PRUNE2: variants seen among roughly 807,000 people sequenced by gnomAD.
The protein encoded by PRUNE2 is prune homolog 2 with BCH domain.
A neutral mutation model predicts 252.0 loss-of-function variants in PRUNE2; 164 were observed. The observed-to-expected ratio is 0.65, with a 90% confidence interval of 0.57 to 0.74. The LOEUF (loss-of-function observed/expected upper bound fraction) is 0.74, where lower values mean the gene tolerates loss of function less well. PRUNE2 is among the 30% of genes least tolerant of loss of function. PRUNE2 has a pLI of 0.00. For missense variants in PRUNE2, 3,495 were observed against 3,711.0 expected (o/e 0.94, Z 1.51); for synonymous variants, 1,292 against 1,350.2 (o/e 0.96, Z 0.94).
In PRUNE2 at chr9:76,752,136, C is replaced by T. The variant is rs369060749; in HGVS notation, c.757-38415G>A. On this transcript the variant is annotated intron_variant, in intron 6 of 18. Transcript: ENST00000376718. ...TTTTTGAGACGGAGTCTCACTCTGT[C>T]GCCCAGGCTGGAGTGCAATGGTGCA... 7.5e-5 allele frequency among the ~76,000 whole-genome samples: 11 copies of T among 147,298 alleles called. No individual in the cohort carries two copies. In the East Asian group the frequency reaches 1.8e-3, roughly 24 times the overall value.
At position 76,838,028 on chromosome 9, in the gene PRUNE2, C is replaced by T. The variant is rs949379119; in HGVS notation, c.508+8487G>A. Among the ~76,000 whole-genome samples, 3 of 152,060 alleles carry T rather than the reference C, an allele frequency of 2.0e-5. No homozygotes were observed. In the South Asian group the frequency reaches 6.2e-4, roughly 32 times the overall value. ...CCTCGTGATCTGCCCGCCTCAGCCT[C>T]CCAAAATGCTGGGATTACAGGTGTG... On this transcript the variant is annotated intron_variant, in intron 4 of 18. Coordinates refer to ENST00000376718, the MANE Select transcript of PRUNE2 (RefSeq NM_015225.3).
intron 11 of PRUNE2, among the ~76,000 whole-genome samples, chr9:76,647,545 C>G (rs958850544): frequency 6.6e-6 from 1 of 152,112 alleles, no homozygotes; most frequent in African/African-American, 2.4e-5. Flanking sequence ...GAAATTAAAA[C>G]TACTATATAA....
intron 9 of PRUNE2, among the ~76,000 whole-genome samples, chr9:76,660,442 A>G (rs974959226): frequency 2.6e-5 from 4 of 152,196 alleles, no homozygotes; most frequent in Non-Finnish European, 5.9e-5. Context: ...AATTAAGATG[A>G]AAATTCATCT....
At chr9:76,666,473 T>C (rs376113890) in intron 9 of PRUNE2, among the ~76,000 whole-genome samples, 53 of 152,298 alleles carry the variant, frequency 3.5e-4, no homozygotes, top group Admixed American at 1.1e-3. Flanking sequence ...GTAGCAAAAT[T>C]AGTGAAAGTA....
intron 6 of PRUNE2, among the ~76,000 whole-genome samples, chr9:76,776,313 C>T (rs934422591): frequency 1.3e-5 from 2 of 151,726 alleles, no homozygotes; most frequent in Non-Finnish European, 2.9e-5. Flanking sequence ...TTGGACTCTC[C>T]GATGTTATTA....
chr9:76,812,415 T>C (rs1209666675), intron 6 of PRUNE2, among the ~76,000 whole-genome samples: 1 of 152,344 alleles, frequency 6.6e-6, no homozygotes, highest in South Asian at 2.1e-4. Flanking sequence ...TACAATACCA[T>C]TGGCCAAAGT....
intron 6 of PRUNE2, among the ~76,000 whole-genome samples, chr9:76,745,241 A>G (rs2049996401): frequency 6.6e-6 from 1 of 152,176 alleles, no homozygotes; most frequent in African/African-American, 2.4e-5. Flanking sequence ...AGTTTAAATA[A>G]TAACAGCCCT....
chr9:76,847,599 G>A (rs895832120), intron 3 of PRUNE2, among the ~76,000 whole-genome samples: 13 of 152,132 alleles, frequency 8.5e-5, no homozygotes, highest in Non-Finnish European at 1.8e-4. Flanking sequence ...TCCAGTCACC[G>A]TGGTGTAGAG....
intron 9 of PRUNE2, among the ~76,000 whole-genome samples, chr9:76,666,829 G>A (rs2040289155): frequency 6.6e-6 from 1 of 152,022 alleles, no homozygotes; most frequent in South Asian, 2.1e-4. Flanking sequence ...CTGACCCTGT[G>A]GGGCTGGACC....
intron 18 of PRUNE2, among the ~76,000 whole-genome samples, chr9:76,616,381 T>A (rs749843629): frequency 3.3e-5 from 5 of 152,256 alleles, no homozygotes; most frequent in Admixed American, 6.5e-5. Context: ...ATTCTTTCTC[T>A]CACGGTGTTG....
intron 17 of PRUNE2, among the ~76,000 whole-genome samples, chr9:76,623,326 C>T (rs1349394328): frequency 2.7e-5 from 4 of 149,388 alleles, no homozygotes; most frequent in East Asian, 2.0e-4. Flanking sequence ...GATGGAGTCT[C>T]GCTCTGTCCC....
At chr9:76,828,207 G>A (rs2058458289) in intron 4 of PRUNE2, among the ~76,000 whole-genome samples, 1 of 152,188 alleles carries the variant, frequency 6.6e-6, no homozygotes, top group African/African-American at 2.4e-5. Flanking sequence ...GGATAACTAG[G>A]GACTTAAGGC....
intron 6 of PRUNE2, among the ~76,000 whole-genome samples, chr9:76,773,734 G>A (rs1014532452): frequency 2.0e-5 from 3 of 152,100 alleles, no homozygotes; most frequent in South Asian, 4.1e-4. Flanking sequence ...GTGAGCCACC[G>A]CACCCGGCCA....
At chr9:76,762,270 A>G (rs1309949150) in intron 6 of PRUNE2, among the ~76,000 whole-genome samples, 1 of 152,206 alleles carries the variant, frequency 6.6e-6, no homozygotes, top group East Asian at 1.9e-4. Flanking sequence ...CTTTTTTCCA[A>G]ATCTTTAATG....
chr9:76,824,384 G>A (rs748835244), intron 5 of PRUNE2, among the ~76,000 whole-genome samples: 4 of 152,170 alleles, frequency 2.6e-5, no homozygotes, highest in Admixed American at 1.3e-4. Context: ...CTGCATTTAG[G>A]TAAGCCCCCA....
intron 1 of PRUNE2, among the ~76,000 whole-genome samples, chr9:76,882,198 T>A (rs2061829802): frequency 6.6e-6 from 1 of 152,278 alleles, no homozygotes; most frequent in Admixed American, 6.5e-5. Context: ...ATTTACAGAT[T>A]TCGTGTACAA....
chr9:76,794,110 A>G (rs1053351805), intron 6 of PRUNE2, among the ~76,000 whole-genome samples: 11 of 152,238 alleles, frequency 7.2e-5, no homozygotes, highest in Admixed American at 1.3e-4. Context: ...CACTTAATAT[A>G]TATCAGGAAC....
intron 6 of PRUNE2, among the ~76,000 whole-genome samples, chr9:76,818,964 G>A (rs1280381529): frequency 2.6e-5 from 4 of 152,144 alleles, no homozygotes; most frequent in Non-Finnish European, 5.9e-5. Flanking sequence ...AGTAAACTAA[G>A]ATGAGGCCAG....
intron 18 of PRUNE2, among the ~76,000 whole-genome samples, chr9:76,618,847 C>A (rs902861322): frequency 1.3e-5 from 2 of 152,208 alleles, no homozygotes; most frequent in African/African-American, 2.4e-5. Flanking sequence ...TAAGAACTCA[C>A]TACATGTCCA....
Sources: gnomAD v4.1 joint callset for allele counts (sites outside exome capture counted in the v4.1 genomes callset) on GRCh38, gnomAD v4.1.1 for gene constraint, MANE v1.5 for transcripts, NCBI Gene and HGNC (gene_info 2026-07-23, HGNC 2026-07-21) for gene names.